The following TAFA4 variants were observed in gnomAD, a reference collection of about 807,000 sequenced individuals.
TAFA4 encodes TAFA chemokine like family member 4.
A neutral mutation model predicts 21.1 loss-of-function variants in TAFA4; 20 were observed. That is an observed-to-expected ratio of 0.95 (90% CI 0.67 to 1.38). The LOEUF (loss-of-function observed/expected upper bound fraction) is 1.38. Among genes scored for constraint, TAFA4 ranks in the 40% most tolerant of loss-of-function variants. The pLI is 0.00. For missense variants in TAFA4, 211 were observed against 180.9 expected (o/e 1.17, Z -0.95); for synonymous variants, 71 against 67.4 (o/e 1.05, Z -0.26).
chr3:68,790,025 A>C (rs1056884896), intron 3 of TAFA4, among the ~76,000 whole-genome samples: 1 of 152,250 alleles, frequency 6.6e-6, no homozygotes, highest in African/African-American at 2.4e-5. Context: ...ATCTGGGTAA[A>C]TATAGTCTAT....
At chr3:68,777,796 T>G (rs933303077) in intron 3 of TAFA4, among the ~76,000 whole-genome samples, 1 of 152,184 alleles carries the variant, frequency 6.6e-6, no homozygotes, top group African/African-American at 2.4e-5. Context: ...ATCTTTTCTA[T>G]GTTTAGACAT....
intron 3 of TAFA4, among the ~76,000 whole-genome samples, chr3:68,790,087 T>C (rs966230214): frequency 2.6e-5 from 4 of 152,214 alleles, no homozygotes; most frequent in African/African-American, 9.6e-5. Context: ...GCAAAAATTA[T>C]AACATTTTCG....
chr3:68,907,167 G>A (rs1312616046), intron 1 of TAFA4, among the ~76,000 whole-genome samples: 1 of 152,092 alleles, frequency 6.6e-6, no homozygotes, highest in East Asian at 1.9e-4. Flanking sequence ...CCAAGAGGGA[G>A]GGAAGCAAAA....
chr3:68,903,392 A>G (rs1221419150), intron 1 of TAFA4, among the ~76,000 whole-genome samples: 1 of 152,218 alleles, frequency 6.6e-6, no homozygotes, highest in East Asian at 1.9e-4. Flanking sequence ...ACCATTTAGC[A>G]GTTCCTATGA....
chr3:68,871,202 C>T (rs1353985912), intron 3 of TAFA4, among the ~76,000 whole-genome samples: 2 of 152,062 alleles, frequency 1.3e-5, no homozygotes, highest in African/African-American at 4.8e-5. Context: ...AATCCCATTA[C>T]TGAGTATATA....
Position 68,739,068 on chromosome 3 carries a change from T to C in TAFA4, c.411+7A>G. ...GTAAATTGTAGTTGCATTTTGTCTA[T>C]ACTTGCCTTCGTAGTTTTGACTTTA... On this transcript the variant is annotated splice_region_variant and intron_variant, in intron 5 of 5. Transcript: ENST00000295569. 1 of 1,613,408 alleles carries C rather than the reference T, an allele frequency of 6.2e-7. No homozygotes were observed. Among genetic ancestry groups the C allele is most frequent in the Non-Finnish European group, 8.5e-7 (1 of 1,179,714 alleles).
At chr3:68,931,889 G>C (rs1040732317) in intron 1 of TAFA4, among the ~76,000 whole-genome samples, 1 of 152,172 alleles carries the variant, frequency 6.6e-6, no homozygotes, top group Admixed American at 6.5e-5. Context: ...CTCACGGTGA[G>C]TTCACCACCC....
intron 3 of TAFA4, among the ~76,000 whole-genome samples, chr3:68,781,174 C>G (rs2106796667): frequency 6.7e-6 from 1 of 148,272 alleles, no homozygotes; most frequent in East Asian, 2.5e-4. Context: ...AAAATAGATC[C>G]TTATATTCAA....
intron 4 of TAFA4, among the ~76,000 whole-genome samples, chr3:68,750,882 T>C (rs1575594753): frequency 6.6e-6 from 1 of 152,168 alleles, no homozygotes; most frequent in African/African-American, 2.4e-5. Context: ...CTAAAAGTTG[T>C]TTGTGGGCCA....
At chr3:68,789,210 G>A (rs927400187) in intron 3 of TAFA4, among the ~76,000 whole-genome samples, 6 of 147,456 alleles carry the variant, frequency 4.1e-5, no homozygotes, top group South Asian at 2.2e-4. Flanking sequence ...CAGCCTGGGC[G>A]ACAGAGTGAG....
chr3:68,800,258 G>A (rs892051459), intron 3 of TAFA4, among the ~76,000 whole-genome samples: 2 of 152,106 alleles, frequency 1.3e-5, no homozygotes, highest in African/African-American at 2.4e-5. Context: ...TGCCAAAAAT[G>A]TTGGGAACCA....
intron 3 of TAFA4, among the ~76,000 whole-genome samples, chr3:68,772,037 T>G (rs1702967221): frequency 6.6e-6 from 1 of 152,092 alleles, no homozygotes; most frequent in South Asian, 2.1e-4. Context: ...ATTTTTTTTT[T>G]AATTCTGTAA....
At chr3:68,845,134 G>C (rs1005147166) in intron 3 of TAFA4, among the ~76,000 whole-genome samples, 3 of 152,162 alleles carry the variant, frequency 2.0e-5, no homozygotes, top group Non-Finnish European at 4.4e-5. Flanking sequence ...CGCTGTTATT[G>C]TGTGGGAGTC....
In TAFA4 at chr3:68,815,585, G is replaced by A. The variant is rs141211725; in HGVS notation, c.131-62567C>T. Among the ~76,000 whole-genome samples the A allele has an allele frequency of 3.6e-3, 547 of 152,242 alleles. 4 individuals carry two copies. Among genetic ancestry groups the A allele is most frequent in the African/African-American group, 0.012 (510 of 41,560 alleles). Reference sequence around the variant, plus strand: ...AAAATGTTCATTATCACTGGCCATCGGAGAAATGCAAATCAAAACCACAAC... The same window carrying A: ...AAAATGTTCATTATCACTGGCCATCAGAGAAATGCAAATCAAAACCACAAC... On this transcript the variant is annotated intron_variant, in intron 3 of 5. Transcript: ENST00000295569.
chr3:68,789,523 T>C (rs1703324675), intron 3 of TAFA4, among the ~76,000 whole-genome samples: 1 of 152,228 alleles, frequency 6.6e-6, no homozygotes, highest in Non-Finnish European at 1.5e-5. Flanking sequence ...AATATCACAT[T>C]AGACACCTTA....
At chr3:68,869,442 C>T (rs542029816) in intron 3 of TAFA4, among the ~76,000 whole-genome samples, 6 of 151,968 alleles carry the variant, frequency 3.9e-5, no homozygotes, top group Non-Finnish European at 8.8e-5. Context: ...CTGATGAACA[C>T]AGATGTAAAC....
At chr3:68,882,333 AAAAG>A (rs1356706046) in intron 2 of TAFA4, among the ~76,000 whole-genome samples, 2 of 152,088 alleles carry the variant, frequency 1.3e-5, no homozygotes, top group Non-Finnish European at 2.9e-5. Flanking sequence ...TTAAAAAAAA[AAAAG>A]AAAGAAATTG....
intron 3 of TAFA4, among the ~76,000 whole-genome samples, chr3:68,865,376 G>C (rs979285281): frequency 6.6e-6 from 1 of 151,864 alleles, no homozygotes; most frequent in Admixed American, 6.6e-5. Flanking sequence ...ATCCCCATGT[G>C]TCATGGGGAG....
At chr3:68,905,837 G>A (rs1160805610) in intron 1 of TAFA4, among the ~76,000 whole-genome samples, 2 of 152,208 alleles carry the variant, frequency 1.3e-5, no homozygotes, top group East Asian at 3.8e-4. Flanking sequence ...GATAAGATCT[G>A]TACAAGAAAC....
Sources: gnomAD v4.1 joint callset for allele counts (sites outside exome capture counted in the v4.1 genomes callset) on GRCh38, gnomAD v4.1.1 for gene constraint, MANE v1.5 for transcripts, NCBI Gene and HGNC (gene_info 2026-07-23, HGNC 2026-07-21) for gene names.